CDH13: variants seen among roughly 807,000 people sequenced by gnomAD.
CDH13 encodes cadherin-13.
Under a neutral mutation model 63.8 loss-of-function variants are expected in CDH13, and 24 were observed. That is an observed-to-expected ratio of 0.38 (90% CI 0.27 to 0.53). CDH13 has a LOEUF of 0.53. Ranked by LOEUF, CDH13 falls within the 20% of genes least tolerant of loss-of-function variation. CDH13 has a pLI of 0.85. For synonymous variants in CDH13, 503 were observed against 355.3 expected, an observed-to-expected ratio of 1.42 and a Z score of -4.67; for missense variants, 1,049 against 903.1, an observed-to-expected ratio of 1.16 and a Z score of -2.07.
intron 5 of CDH13, among the ~76,000 whole-genome samples, chr16:83,240,011 C>G (rs563753343): frequency 6.0e-4 from 92 of 152,260 alleles, no homozygotes; most frequent in South Asian, 3.3e-3. Context: ...AGAGAGAAAG[C>G]CCCACAGGTG....
rs192318721 is a variant in CDH13, at chr16:83,682,183, T to G, written c.1538+3722T>G. Among the ~76,000 whole-genome samples, 189 of 152,334 alleles carry G rather than the reference T, an allele frequency of 1.2e-3. 1 individual carries two copies. Among genetic ancestry groups the G allele is most frequent in the African/African-American group, 4.3e-3 (177 of 41,570 alleles). On this transcript the variant is annotated intron_variant, in intron 10 of 13. Coordinates refer to ENST00000567109, the MANE Select transcript of CDH13 (RefSeq NM_001257.5). ...GAAAAAGAATATGTTGAAAGTTAGG[T>G]GCAGAATAGCAGTATCCTCTGAGAG... is the stretch of plus-strand genomic sequence containing the variant.
intron 6 of CDH13, among the ~76,000 whole-genome samples, chr16:83,409,196 G>A (rs1041053307): frequency 1.7e-4 from 26 of 151,870 alleles, no homozygotes; most frequent in African/African-American, 4.8e-4. Context: ...CGTCCCACCA[G>A]GAAACAATAA....
Position 83,794,842 on chromosome 16 carries a change from C to T in CDH13, c.2135-181C>T, listed in dbSNP as rs969938968. 7.9e-5 allele frequency among the ~76,000 whole-genome samples: 12 copies of T among 152,064 alleles called. No homozygotes were observed. The East Asian group carries it at 2.3e-3, about 29-fold the overall frequency. Reference sequence around the variant, plus strand: ...TTTTCAGAGAAGTCCAGCTTTTTACCATATAACCATTCATTCTGTCTTCCA... The same window carrying T: ...TTTTCAGAGAAGTCCAGCTTTTTACTATATAACCATTCATTCTGTCTTCCA... On this transcript the variant is annotated intron_variant, in intron 13 of 13. Coordinates refer to ENST00000567109, the MANE Select transcript of CDH13 (RefSeq NM_001257.5).
At chr16:83,671,474 C>G (rs1320885782) in intron 9 of CDH13, among the ~76,000 whole-genome samples, 2 of 152,150 alleles carry the variant, frequency 1.3e-5, no homozygotes, top group African/African-American at 4.8e-5. Flanking sequence ...GTCTCAAACT[C>G]CTGGCCTCAA....
chr16:83,270,997 C>G (rs1336324993), intron 5 of CDH13, among the ~76,000 whole-genome samples: 2 of 150,164 alleles, frequency 1.3e-5, no homozygotes, highest in Non-Finnish European at 3.0e-5. Context: ...CTCCCTCTCT[C>G]ATTCCCTTCC....
chr16:83,227,542 C>G (rs2039877458), intron 5 of CDH13, among the ~76,000 whole-genome samples: 1 of 152,168 alleles, frequency 6.6e-6, no homozygotes, highest in South Asian at 2.1e-4. Context: ...GGGAAGCCAG[C>G]CAACCTCCGT....
chr16:82,850,854 G>A (rs1046634554), intron 1 of CDH13, among the ~76,000 whole-genome samples: 7 of 152,174 alleles, frequency 4.6e-5, no homozygotes, highest in African/African-American at 1.7e-4. Flanking sequence ...TAGTAAAAAC[G>A]TATTTTTAAA....
intron 5 of CDH13, among the ~76,000 whole-genome samples, chr16:83,271,305 A>G (rs1166275588): frequency 6.6e-6 from 1 of 151,082 alleles, no homozygotes; most frequent in Non-Finnish European, 1.5e-5. Flanking sequence ...AGTCTTACGG[A>G]TAAGTGATCA....
At chr16:83,472,203 G>A (rs1284625942) in intron 6 of CDH13, among the ~76,000 whole-genome samples, 1 of 152,188 alleles carries the variant, frequency 6.6e-6, no homozygotes, top group East Asian at 1.9e-4. Flanking sequence ...TGTCCAGAGT[G>A]GAGCAGCTGT....
At chr16:82,855,610 A>G (rs1368201323) in intron 1 of CDH13, among the ~76,000 whole-genome samples, 2 of 152,174 alleles carry the variant, frequency 1.3e-5, no homozygotes, top group Admixed American at 1.3e-4. Context: ...GCCACTTGGG[A>G]TGCCAGCATT....
chr16:83,757,690 CAA>C (rs1913628084), intron 11 of CDH13, among the ~76,000 whole-genome samples: 1 of 151,908 alleles, frequency 6.6e-6, no homozygotes. Flanking sequence ...GAAAAAAACA[CAA>C]ATTACCAACA....
chr16:82,850,266 A>G (rs1344252651), intron 1 of CDH13, among the ~76,000 whole-genome samples: 2 of 152,216 alleles, frequency 1.3e-5, no homozygotes, highest in Non-Finnish European at 1.5e-5. Flanking sequence ...GGAGTTTAGA[A>G]GATGTTGATT....
chr16:83,727,411 CGTT>C (rs1249014688), intron 10 of CDH13, among the ~76,000 whole-genome samples: 1 of 151,712 alleles, frequency 6.6e-6, no homozygotes, highest in East Asian at 2.0e-4. Flanking sequence ...CATGTGGAAA[CGTT>C]GGAAGAATTT....
At chr16:83,484,636 G>C (rs374806082) in intron 6 of CDH13, among the ~76,000 whole-genome samples, 2 of 152,262 alleles carry the variant, frequency 1.3e-5, no homozygotes. Flanking sequence ...CATCTTTCCC[G>C]ATGACCATGC....
intron 1 of CDH13, among the ~76,000 whole-genome samples, chr16:82,784,242 T>C (rs1237665268): frequency 6.6e-6 from 1 of 152,218 alleles, no homozygotes; most frequent in Admixed American, 6.5e-5. Flanking sequence ...TTTCAACATC[T>C]GGTCTTCAAA....
chr16:83,181,777 G>C (rs2151745261), intron 4 of CDH13, among the ~76,000 whole-genome samples: 1 of 152,154 alleles, frequency 6.6e-6, no homozygotes, highest in East Asian at 1.9e-4. Flanking sequence ...GGCAAAGTGA[G>C]TGTGTGTGTG....
chr16:83,243,757 C>T (rs1904709045), intron 5 of CDH13, among the ~76,000 whole-genome samples: 1 of 152,142 alleles, frequency 6.6e-6, no homozygotes, highest in South Asian at 2.1e-4. Context: ...TTGTCCGGAG[C>T]AAACTGGAAT....
chr16:83,486,472 G>T lies in CDH13; in HGVS notation c.782-5G>T. 1.2e-6 allele frequency: 2 copies of T among 1,610,512 alleles called. No individual in the cohort carries two copies. The highest frequency in any genetic ancestry group is 8.5e-7 in the Non-Finnish European group (1 of 1,177,734). On this transcript the variant is annotated splice_polypyrimidine_tract_variant and splice_region_variant and intron_variant, in intron 6 of 13. Coordinates refer to ENST00000567109, the MANE Select transcript of CDH13 (RefSeq NM_001257.5). ...ATTCCGTGCCTTTCTGTCTTGCCCC[G>T]GTAGGCACCACAGTGATGCGGATGA...
intron 1 of CDH13, among the ~76,000 whole-genome samples, chr16:82,707,568 T>C (rs184746644): frequency 8.5e-5 from 13 of 152,340 alleles, no homozygotes; most frequent in Admixed American, 5.9e-4. Context: ...GGGTCTGTGA[T>C]ACATGACAGA....
Sources: gnomAD v4.1 joint callset for allele counts (sites outside exome capture counted in the v4.1 genomes callset) on GRCh38, gnomAD v4.1.1 for gene constraint, MANE v1.5 for transcripts, NCBI Gene and HGNC (gene_info 2026-07-23, HGNC 2026-07-21) for gene names.